TM4SF5: variants seen among roughly 807,000 people sequenced by gnomAD.
TM4SF5 encodes transmembrane 4 L6 family member 5.
In TM4SF5, 16 loss-of-function variants were observed where a neutral mutation model predicts 22.3. That is an observed-to-expected ratio of 0.72 (90% CI 0.49 to 1.09). The LOEUF (loss-of-function observed/expected upper bound fraction) is 1.09, where lower values mean the gene tolerates loss of function less well. Ranked by LOEUF, TM4SF5 falls within the 50% of genes least tolerant of loss-of-function variation. The pLI, the probability that TM4SF5 is intolerant of heterozygous loss-of-function variation, is 0.00. For missense variants in TM4SF5, 249 were observed against 266.1 expected, an observed-to-expected ratio of 0.94 and a Z score of 0.45; for synonymous variants, 113 against 109.6, an observed-to-expected ratio of 1.03 and a Z score of -0.19.
At chr17:4,775,958 C>T (rs1917196788) in intron 1 of TM4SF5, among the ~76,000 whole-genome samples, 1 of 152,114 alleles carries the variant, frequency 6.6e-6, no homozygotes, top group African/African-American at 2.4e-5. Flanking sequence ...GATTCTCATG[C>T]CTCAGCCTCC....
At chr17:4,773,380 C>G (rs554616809) in intron 1 of TM4SF5, among the ~76,000 whole-genome samples, 1 of 152,128 alleles carries the variant, frequency 6.6e-6, no homozygotes, top group Admixed American at 6.6e-5. Flanking sequence ...ACAGATTTCC[C>G]CAATTTACTA....
intron 1 of TM4SF5, among the ~76,000 whole-genome samples, chr17:4,772,588 G>T (rs1415491287): frequency 6.6e-6 from 1 of 152,158 alleles, no homozygotes; most frequent in Non-Finnish European, 1.5e-5. Flanking sequence ...CCCAATCTGT[G>T]CGGACTGCTA....
rs1478012932 is a variant in TM4SF5, at chr17:4,772,055, T to C, written c.133T>C (p.Leu45=). Residue 45 remains leucine, a synonymous_variant, in exon 1 of 5, where the codon TTG becomes CTG. Coordinates refer to ENST00000270560, the MANE Select transcript of TM4SF5 (RefSeq NM_003963.3). ...TSWTNTNHLS[L]QVWLMGGFIG... ...CTGGACCAACACCAACCATCTCAGC[T>C]TGCAAGTCTGGCTCATGGGCGGCTT... is the stretch of plus-strand genomic sequence containing the variant. The C allele has an allele frequency of 6.2e-7, 1 of 1,614,196 alleles. No homozygotes were observed. The highest frequency in any genetic ancestry group is 8.5e-7 in the Non-Finnish European group (1 of 1,180,038).
intron 1 of TM4SF5, among the ~76,000 whole-genome samples, chr17:4,774,979 T>A (rs905775629): frequency 3.3e-5 from 5 of 152,108 alleles, no homozygotes; most frequent in African/African-American, 1.2e-4. Context: ...GATGCCACTT[T>A]TTATAGGATT....
intron 1 of TM4SF5, among the ~76,000 whole-genome samples, chr17:4,776,002 G>A (rs1175787509): frequency 6.6e-6 from 1 of 151,826 alleles, no homozygotes; most frequent in Non-Finnish European, 1.5e-5. Context: ...GAGCCACCAC[G>A]CCTGGCTAAT....
rs888765201 is a variant in TM4SF5 at position 4,782,938 on chromosome 17, G to T, written c.480G>T (p.Ser160=). The change falls in exon 4 of 5, where the codon TCG becomes TCT. Residue 160 remains serine, a synonymous_variant. Transcript: ENST00000270560. The stretch of plus-strand genomic sequence containing the variant: ...TCCCCTGGAATGTGACGCTCTTCTC[G>T]CTGCTGGTGGCCGCCTCCTGCCTGG... ...RVVPWNVTLF[S]LLVAASCLEI... The T allele has an allele frequency of 3.1e-6, 5 of 1,614,114 alleles. No homozygotes were observed. The highest frequency in any genetic ancestry group is 2.2e-5 in the East Asian group (1 of 44,892).
At position 4,783,017 on chromosome 17, in the gene TM4SF5, G is replaced by T; in HGVS notation, c.559G>T (p.Gly187Cys). Residue 187 changes from glycine to cysteine, a missense_variant, in exon 4 of 5, where the codon GGC (glycine) becomes TGC (cysteine). By Grantham distance (159) the Gly-to-Cys change is radical. Coordinates refer to ENST00000270560, the MANE Select transcript of TM4SF5 (RefSeq NM_003963.3). The stretch of plus-strand genomic sequence containing the variant: ...GAACGCGACCATTGGTGTCTTCTGC[G>T]GCGATTGCAGGAAAAAACAGGTGAA... The part of the protein sequence containing the change: ...LVNATIGVFC[G>C]DCRKKQDTPH The T allele has an allele frequency of 2.5e-6, 4 of 1,614,140 alleles. No homozygotes were observed. The highest frequency in any genetic ancestry group is 2.2e-5 in the South Asian group (2 of 91,086).
At chr17:4,775,849 G>A (rs1325297077) in intron 1 of TM4SF5, among the ~76,000 whole-genome samples, 7 of 152,040 alleles carry the variant, frequency 4.6e-5, no homozygotes, top group Admixed American at 3.3e-4. Flanking sequence ...GAATGATAGA[G>A]TATGTGTCTG....
chr17:4,777,111 C>G (rs1481889408), intron 1 of TM4SF5, among the ~76,000 whole-genome samples: 4 of 151,522 alleles, frequency 2.6e-5, no homozygotes, highest in Non-Finnish European at 4.4e-5. Flanking sequence ...GCAGGAGAAT[C>G]TCCTGAACCC....
chr17:4,778,593 T>A (rs930329685), intron 1 of TM4SF5, among the ~76,000 whole-genome samples: 1 of 151,474 alleles, frequency 6.6e-6, no homozygotes, highest in Non-Finnish European at 1.5e-5. Context: ...GATGACAGAG[T>A]GAGATCCTGT....
At chr17:4,775,322 G>A (rs1008812937) in intron 1 of TM4SF5, among the ~76,000 whole-genome samples, 19 of 151,094 alleles carry the variant, frequency 1.3e-4, no homozygotes, top group South Asian at 2.1e-4. Context: ...GCAGTGGTGC[G>A]ATCTCGGTTC....
At chr17:4,774,385 T>C (rs1336889726) in intron 1 of TM4SF5, among the ~76,000 whole-genome samples, 1 of 152,046 alleles carries the variant, frequency 6.6e-6, no homozygotes, top group Non-Finnish European at 1.5e-5. Flanking sequence ...ATGTACCCAG[T>C]GCTAGACCAG....
intron 1 of TM4SF5, 90 bp downstream of exon 1, chr17:4,772,189 A>C: frequency 6.6e-7 from 1 of 1,515,788 alleles, no homozygotes; most frequent in Non-Finnish European, 9.0e-7. Flanking sequence ...AGGAATAAGA[A>C]TGGTTGCTTG....
chr17:4,777,172 G>A (rs1917223423), intron 1 of TM4SF5, among the ~76,000 whole-genome samples: 1 of 150,614 alleles, frequency 6.6e-6, no homozygotes, highest in Admixed American at 6.6e-5. Flanking sequence ...AATCCAGCCT[G>A]GGTGACAGAG....
chr17:4,772,869 C>T (rs1917139800), intron 1 of TM4SF5, among the ~76,000 whole-genome samples: 1 of 151,672 alleles, frequency 6.6e-6, no homozygotes, highest in African/African-American at 2.4e-5. Flanking sequence ...TGGGCATCAC[C>T]ACACCCAGCT....
intron 1 of TM4SF5, among the ~76,000 whole-genome samples, chr17:4,775,930 C>T (rs148294033): frequency 2.4e-4 from 36 of 151,824 alleles, no homozygotes; most frequent in African/African-American, 6.5e-4. Flanking sequence ...CTGCAACCTC[C>T]GCCTCCCAGG....
chr17:4,772,192 G>A, intron 1 of TM4SF5, 93 bp downstream of exon 1: 1 of 1,505,472 alleles, frequency 6.6e-7, no homozygotes, highest in Admixed American at 1.8e-5. Context: ...AATAAGAATG[G>A]TTGCTTGGGA....
At chr17:4,777,605 C>T (rs556818606) in intron 1 of TM4SF5, among the ~76,000 whole-genome samples, 1 of 151,762 alleles carries the variant, frequency 6.6e-6, no homozygotes, top group East Asian at 1.9e-4. Context: ...CTGGGTCTGG[C>T]CAGGTGCGGT....
chr17:4,780,609 C>T (rs908205554), intron 1 of TM4SF5, among the ~76,000 whole-genome samples, 180 bp from the exon 2 acceptor site: 6 of 152,090 alleles, frequency 3.9e-5, no homozygotes, highest in East Asian at 1.9e-4. Flanking sequence ...AAGGTAGGCA[C>T]GTAAATAAGG....
Sources: gnomAD v4.1 joint callset for allele counts (sites outside exome capture counted in the v4.1 genomes callset) on GRCh38, gnomAD v4.1.1 for gene constraint, MANE v1.5 for transcripts, NCBI Gene and HGNC (gene_info 2026-07-23, HGNC 2026-07-21) for gene names.